Variants in CELF2 observed in about 807,000 individuals in gnomAD.
CELF2 encodes CUG triplet repeat RNA-binding protein 2.
In CELF2, 8 loss-of-function variants were observed where a neutral mutation model predicts 62.6. That is an observed-to-expected ratio of 0.13 (90% confidence interval 0.07 to 0.23). The LOEUF (loss-of-function observed/expected upper bound fraction) is 0.23. Ranked by LOEUF, CELF2 falls within the 10% of genes least tolerant of loss-of-function variation. CELF2 has a pLI of 1.00. For synonymous variants in CELF2, 258 were observed against 250.0 expected, an observed-to-expected ratio of 1.03 and a Z score of -0.30; for missense variants, 333 against 671.0, an observed-to-expected ratio of 0.50 and a Z score of 5.56.
chr10:10,797,777 GC>G (rs1229547851), upstream of CELF2, among the ~76,000 whole-genome samples: 1 of 152,174 alleles, frequency 6.6e-6, no homozygotes, highest in African/African-American at 2.4e-5. Context: ...AAGCATAGAA[GC>G]CTCTGCTTAA....
intron 1 of CELF2, among the ~76,000 whole-genome samples, chr10:11,139,251 A>G (rs2060909818): frequency 6.6e-6 from 1 of 152,250 alleles, no homozygotes; most frequent in Admixed American, 6.5e-5. Context: ...TCAGAATTTT[A>G]TAGCTTGCTA....
intron 11 of CELF2, among the ~76,000 whole-genome samples, chr10:11,323,367 T>C (rs2095545013): frequency 6.6e-6 from 1 of 151,480 alleles, no homozygotes; most frequent in Non-Finnish European, 1.5e-5. Context: ...TTAAACCATC[T>C]TCTTATTAGT....
the CELF2 span, among the ~76,000 whole-genome samples, chr10:10,548,373 G>A: frequency 1.0e-3 from 156 of 152,296 alleles, no homozygotes; most frequent in African/African-American, 3.3e-3. Context: ...CTCCCTAAAC[G>A]CAAAGATAAC....
chr10:10,813,219 G>T (rs1434956312), intron 1 of CELF2, among the ~76,000 whole-genome samples: 2 of 152,198 alleles, frequency 1.3e-5, no homozygotes, highest in African/African-American at 4.8e-5. Flanking sequence ...ATGTAAATCA[G>T]CTGTTCAGGG....
the CELF2 span, among the ~76,000 whole-genome samples, chr10:10,539,231 T>C: frequency 6.6e-6 from 1 of 152,244 alleles, no homozygotes; most frequent in Non-Finnish European, 1.5e-5. Flanking sequence ...AAAGAAAAAG[T>C]AGCAATACAT....
At position 11,159,173 on chromosome 10, in the gene CELF2, G is replaced by A. The variant is rs1201112585; in HGVS notation, c.75-6313G>A. 1.3e-5 allele frequency among the ~76,000 whole-genome samples: 2 copies of A among 152,222 alleles called. No individual in the cohort carries two copies. The highest frequency in any genetic ancestry group is 4.8e-5 in the African/African-American group (2 of 41,448). On this transcript the variant is annotated intron_variant, in intron 1 of 12. Coordinates refer to ENST00000633077, the MANE Select transcript of CELF2 (RefSeq NM_001326342.2). This position sits in a 1 kb window ranked among gnomAD's most constrained non-coding sequence, Gnocchi z 5.0. The stretch of plus-strand genomic sequence containing the variant: ...ATGTGGCAGTGACTCAAAAGGTTTA[G>A]TACACATGATAAATGGTAACAATAC...
intron 11 of CELF2, among the ~76,000 whole-genome samples, chr10:11,322,696 T>TA (rs2095506959): frequency 6.6e-6 from 1 of 152,098 alleles, no homozygotes; most frequent in Non-Finnish European, 1.5e-5. Flanking sequence ...ATAACATGGA[T>TA]ATCACTTTTA....
chr10:11,289,167 T>C (rs769434987), intron 9 of CELF2, among the ~76,000 whole-genome samples: 2 of 152,276 alleles, frequency 1.3e-5, no homozygotes, highest in East Asian at 3.9e-4. Flanking sequence ...TACCGTGATT[T>C]GAGGTTTTGT....
chr10:11,140,505 G>A (rs961151269), intron 1 of CELF2, among the ~76,000 whole-genome samples: 1 of 151,988 alleles, frequency 6.6e-6, no homozygotes. Flanking sequence ...CACCTTTAGC[G>A]TCATGTAGCT....
intron 10 of CELF2, 198 bp from the exon 11 acceptor site, chr10:11,320,991 C>G: frequency 6.9e-7 from 1 of 1,439,754 alleles, no homozygotes; most frequent in South Asian, 1.3e-5. Context: ...AGTGAGGGTT[C>G]TCATGGCTTA....
At chr10:11,232,146 C>A (rs2068959327) in intron 3 of CELF2, among the ~76,000 whole-genome samples, 1 of 152,088 alleles carries the variant, frequency 6.6e-6, no homozygotes, top group Admixed American at 6.5e-5. Context: ...TCCCCTCTCC[C>A]CCCACCCCAC....
the CELF2 span, among the ~76,000 whole-genome samples, chr10:10,616,478 G>A: frequency 1.2e-4 from 18 of 152,130 alleles, no homozygotes; most frequent in Admixed American, 3.3e-4. Context: ...CCAGGTTTCA[G>A]GTTCTGTATA....
rs2065931613 is a variant in CELF2, at chr10:11,224,768, G to C, written c.354+7261G>C. Among the ~76,000 whole-genome samples the C allele has an allele frequency of 6.6e-6, 1 of 152,166 alleles. No individual in the cohort carries two copies. The highest frequency in any genetic ancestry group is 2.4e-5 in the African/African-American group (1 of 41,428). On this transcript the variant is annotated intron_variant, in intron 3 of 12. Transcript: ENST00000633077. This position sits in a 1 kb window ranked among gnomAD's most constrained non-coding sequence, Gnocchi z 4.5. ...TCAGGAGATGATGTCCAGGTGAAGT[G>C]CGCTCGTGAGTTCGGAGCCTGGAGC...
At chr10:10,731,243 AACAC>A in the CELF2 span, among the ~76,000 whole-genome samples, 226 of 146,468 alleles carry the variant, frequency 1.5e-3, no homozygotes, top group East Asian at 8.7e-3. Context: ...TCCTGCAGAA[AACAC>A]ACACACACAC....
At chr10:11,160,361 A>G (rs996216676) in intron 1 of CELF2, among the ~76,000 whole-genome samples, 2 of 152,210 alleles carry the variant, frequency 1.3e-5, no homozygotes, top group Non-Finnish European at 2.9e-5. Flanking sequence ...GAGGGCCTCA[A>G]GCACTGATGG....
the CELF2 span, among the ~76,000 whole-genome samples, chr10:10,665,093 T>A: frequency 6.6e-6 from 1 of 152,204 alleles, no homozygotes; most frequent in African/African-American, 2.4e-5. Context: ...CAGGTTTATT[T>A]GGGCCCCAGA....
chr10:11,229,471 A>G (rs2067814239), intron 3 of CELF2, among the ~76,000 whole-genome samples: 1 of 152,162 alleles, frequency 6.6e-6, no homozygotes, highest in African/African-American at 2.4e-5. Context: ...TGCATATAAA[A>G]CCGGGGCAGT....
chr10:11,171,364 C>T (rs1439106171), intron 2 of CELF2: 1 of 152,212 alleles, frequency 6.6e-6, no homozygotes. Flanking sequence ...GCTGGCCCGA[C>T]TGATCTTCGA....
intron 1 of CELF2, among the ~76,000 whole-genome samples, chr10:11,112,603 G>A (rs980878086): frequency 6.6e-6 from 1 of 152,172 alleles, no homozygotes; most frequent in East Asian, 1.9e-4. Context: ...GGTGGATAGC[G>A]AAAGATGTCT....
Sources: gnomAD v4.1 joint callset for allele counts (sites outside exome capture counted in the v4.1 genomes callset) on GRCh38, gnomAD v4.1.1 for gene constraint, Gnocchi (gnomAD v3.1) non-coding constraint, MANE v1.5 for transcripts, NCBI Gene and HGNC (gene_info 2026-07-23, HGNC 2026-07-21) for gene names.